ZDHHC14: variants seen among roughly 807,000 people sequenced by gnomAD.
ZDHHC14 encodes the protein palmitoyltransferase ZDHHC14.
A neutral mutation model predicts 47.7 loss-of-function variants in ZDHHC14; 16 were observed. That is an observed-to-expected ratio of 0.34 (90% CI 0.23 to 0.51). ZDHHC14 has a LOEUF of 0.51. ZDHHC14 is among the 20% of genes least tolerant of loss of function. The pLI, the probability that ZDHHC14 is intolerant of heterozygous loss-of-function variation, is 0.97. For synonymous variants in ZDHHC14, 293 were observed against 278.9 expected, an observed-to-expected ratio of 1.05 and a Z score of -0.50; for missense variants, 515 against 662.5, an observed-to-expected ratio of 0.78 and a Z score of 2.44.
intron 2 of ZDHHC14, among the ~76,000 whole-genome samples, chr6:157,564,268 A>G (rs909985883): frequency 6.6e-6 from 1 of 152,130 alleles, no homozygotes; most frequent in African/African-American, 2.4e-5. Context: ...CAGAAGACAA[A>G]GATTCAGATC....
chr6:157,592,806 A>G lies in ZDHHC14; in HGVS notation c.407-182A>G. 5.6e-6 allele frequency: 8 copies of G among 1,416,640 alleles called. No individual in the cohort carries two copies. The South Asian group carries it at 1.3e-4, about 24-fold the overall frequency. 87.8% of individuals were successfully genotyped at this position (1,416,640 alleles called of 1,614,324 possible). ...CGTGGCCCCTGCACGTGTGCAACGA[A>G]GGAGGCCGGGGTCCCAGCGGAGGGT... On this transcript the variant is annotated intron_variant, in intron 2 of 8. Coordinates refer to ENST00000359775, the MANE Select transcript of ZDHHC14 (RefSeq NM_024630.3).
intron 1 of ZDHHC14, among the ~76,000 whole-genome samples, chr6:157,453,128 G>A (rs1583658175): frequency 1.3e-5 from 2 of 152,022 alleles, no homozygotes; most frequent in South Asian, 2.1e-4. Flanking sequence ...TGTGAGCTGG[G>A]TTTACTTAGG....
At chr6:157,651,793 A>C (rs1257216086) in intron 7 of ZDHHC14, among the ~76,000 whole-genome samples, 2 of 152,048 alleles carry the variant, frequency 1.3e-5, no homozygotes, top group Non-Finnish European at 2.9e-5. Context: ...GCTTGTCTCG[A>C]ACTCCTGACC....
At chr6:157,633,228 G>A (rs1181987072) in intron 5 of ZDHHC14, among the ~76,000 whole-genome samples, 1 of 152,156 alleles carries the variant, frequency 6.6e-6, no homozygotes, top group East Asian at 1.9e-4. Context: ...GAACATGTAG[G>A]GATGCCCACG....
intron 1 of ZDHHC14, among the ~76,000 whole-genome samples, chr6:157,480,442 A>G (rs1779600063): frequency 6.6e-6 from 1 of 151,724 alleles, no homozygotes; most frequent in African/African-American, 2.4e-5. Flanking sequence ...TAATTTTTGT[A>G]TTTTTAGTAG....
At position 157,396,477 on chromosome 6, in the gene ZDHHC14, A is replaced by G. The variant is rs528135565; in HGVS notation, c.245+14211A>G. Among the ~76,000 whole-genome samples the G allele has an allele frequency of 2.0e-5, 3 of 152,338 alleles. No individual in the cohort carries two copies. In the South Asian group the frequency reaches 6.2e-4, roughly 32 times the overall value. On this transcript the variant is annotated intron_variant, in intron 1 of 8. Coordinates refer to ENST00000359775, the MANE Select transcript of ZDHHC14 (RefSeq NM_024630.3). The stretch of plus-strand genomic sequence containing the variant: ...CAAAGTCAAGTTAAATTCTGCAGCT[A>G]TATATGGTCTATTTGTCTTTTTAAG...
At chr6:157,612,758 G>A (rs1784800520) in intron 3 of ZDHHC14, among the ~76,000 whole-genome samples, 1 of 151,926 alleles carries the variant, frequency 6.6e-6, no homozygotes, top group African/African-American at 2.4e-5. Context: ...CTGAAGGAGA[G>A]AAGGGAGGGA....
chr6:157,382,994 A>G (rs1446196604), intron 1 of ZDHHC14, among the ~76,000 whole-genome samples: 2 of 152,242 alleles, frequency 1.3e-5, no homozygotes, highest in Admixed American at 6.5e-5. Flanking sequence ...GGATGACACT[A>G]CGTGACAACT....
At chr6:157,513,926 C>T (rs528363381) in intron 1 of ZDHHC14, among the ~76,000 whole-genome samples, 16 of 152,082 alleles carry the variant, frequency 1.1e-4, no homozygotes, top group South Asian at 2.1e-4. Flanking sequence ...CTTGGCTCAG[C>T]GAACAGTGAA....
rs750239225 is a variant in ZDHHC14, at chr6:157,672,973, A to C, written c.1318A>C (p.Thr440Pro). 8 of 1,597,156 alleles carry C rather than the reference A, an allele frequency of 5.0e-6. No individual in the cohort carries two copies. The highest frequency in any genetic ancestry group is 6.0e-6 in the Non-Finnish European group (7 of 1,175,370). The part of the protein sequence containing the change: ...KDEHMGHQFL[T>P]PDEAPSPPRL... ...TGAGCACATGGGCCACCAGTTCCTG[A>C]CGCCCGATGAGGCGCCCTCGCCCCC... The change falls in exon 9 of 9, where the codon ACG becomes CCG. Residue 440 changes from threonine (T) to proline (P), a missense_variant. Physicochemically the swap from Thr to Pro is conservative, Grantham distance 38. Transcript: ENST00000359775.
At chr6:157,571,352 A>C (rs1344867024) in intron 2 of ZDHHC14, among the ~76,000 whole-genome samples, 1 of 152,216 alleles carries the variant, frequency 6.6e-6, no homozygotes, top group African/African-American at 2.4e-5. Flanking sequence ...CAAGGGACAG[A>C]CATGTTGGGT....
chr6:157,444,622 G>A (rs1296255373), intron 1 of ZDHHC14, among the ~76,000 whole-genome samples: 1 of 151,266 alleles, frequency 6.6e-6, no homozygotes, highest in Non-Finnish European at 1.5e-5. Context: ...AAGTTGCAGT[G>A]AGCCAAGATT....
chr6:157,435,840 T>C (rs2114786225), intron 1 of ZDHHC14, among the ~76,000 whole-genome samples: 1 of 152,294 alleles, frequency 6.6e-6, no homozygotes, highest in Non-Finnish European at 1.5e-5. Context: ...ATGCCTGGCC[T>C]CCTCATCTCT....
chr6:157,655,498 G>A (rs772967699), intron 8 of ZDHHC14, among the ~76,000 whole-genome samples: 4 of 152,200 alleles, frequency 2.6e-5, no homozygotes, highest in South Asian at 2.1e-4. Flanking sequence ...TGCACCATTC[G>A]CAGGTGCACA....
intron 3 of ZDHHC14, among the ~76,000 whole-genome samples, chr6:157,614,789 G>A (rs1483205491): frequency 3.8e-5 from 5 of 131,876 alleles, no homozygotes; most frequent in Admixed American, 1.5e-4. Context: ...TTTTTTTTTT[G>A]AGACAGAGTC....
At chr6:157,434,319 G>T (rs946464861) in intron 1 of ZDHHC14, among the ~76,000 whole-genome samples, 3 of 151,492 alleles carry the variant, frequency 2.0e-5, no homozygotes, top group African/African-American at 7.3e-5. Context: ...CAAATTTAAG[G>T]CTTGCCTGAT....
intron 2 of ZDHHC14, among the ~76,000 whole-genome samples, chr6:157,552,382 C>T (rs1782269950): frequency 6.6e-6 from 1 of 151,922 alleles, no homozygotes; most frequent in Non-Finnish European, 1.5e-5. Context: ...CTGGAACAGC[C>T]CTCTGCAGTG....
chr6:157,517,995 C>A (rs549957181), intron 1 of ZDHHC14, among the ~76,000 whole-genome samples: 7 of 152,280 alleles, frequency 4.6e-5, no homozygotes, highest in African/African-American at 1.7e-4. Context: ...ATGCACGTCC[C>A]CAGCCCCCGT....
At chr6:157,455,749 T>C (rs1424911130) in intron 1 of ZDHHC14, among the ~76,000 whole-genome samples, 5 of 150,946 alleles carry the variant, frequency 3.3e-5, no homozygotes, top group Non-Finnish European at 7.4e-5. Flanking sequence ...TACAGTCAAC[T>C]GGGGATACAA....
Sources: allele counts gnomAD v4.1 joint callset (sites outside exome capture counted in the v4.1 genomes callset), GRCh38; gene constraint gnomAD v4.1.1; transcripts MANE v1.5; gene names NCBI Gene and HGNC (gene_info 2026-07-23, HGNC 2026-07-21).